ALDH1A2: variants seen among roughly 807,000 people sequenced by gnomAD.
The protein encoded by ALDH1A2 is retinal dehydrogenase 2.
In ALDH1A2, 27 loss-of-function variants were observed where a neutral mutation model predicts 60.3. The ratio of observed to expected loss-of-function variants is 0.45; its 90% CI spans 0.33 to 0.62. The LOEUF (loss-of-function observed/expected upper bound fraction) is 0.62. ALDH1A2 is among the 20% of genes least tolerant of loss of function. The pLI is 0.02. For synonymous variants in ALDH1A2, 289 were observed against 232.4 expected (o/e 1.24, Z -2.21); for missense variants, 581 against 643.8 (o/e 0.90, Z 1.06).
rs555261187 is a variant in ALDH1A2, at chr15:58,049,830, C to T, written c.117+15704G>A. Among the ~76,000 whole-genome samples, 159 of 152,130 alleles carry T rather than the reference C, an allele frequency of 1.0e-3. 1 individual carries two copies. Among genetic ancestry groups the T allele is most frequent in the African/African-American group, 3.8e-3 (158 of 41,524 alleles). On this transcript the variant is annotated intron_variant, in intron 1 of 12. Transcript: ENST00000249750. Reference sequence around the variant, plus strand: ...TCAAGAGAAATGGCTTTTATGTACCCCCCTGTCTTGAAAACTGAGAATGTA... The same window carrying T: ...TCAAGAGAAATGGCTTTTATGTACCTCCCTGTCTTGAAAACTGAGAATGTA...
intron 4 of ALDH1A2, among the ~76,000 whole-genome samples, chr15:58,005,476 G>A (rs1895419256): frequency 6.6e-6 from 1 of 151,966 alleles, no homozygotes; most frequent in African/African-American, 2.4e-5. Context: ...TGAAGAAATG[G>A]GTGAAGGAAT....
At chr15:57,958,317 G>T (rs891054000) in intron 12 of ALDH1A2, among the ~76,000 whole-genome samples, 5 of 152,210 alleles carry the variant, frequency 3.3e-5, no homozygotes, top group Admixed American at 3.3e-4. Context: ...GAGGTTCACA[G>T]AATTCTTTCC....
Position 57,961,256 on chromosome 15 carries a change from C to T in ALDH1A2, c.1290G>A (p.Thr430=), listed in dbSNP as rs267604270. 40 of 1,613,918 alleles carry T rather than the reference C, an allele frequency of 2.5e-5. No individual in the cohort carries two copies. In the East Asian group the frequency reaches 3.6e-4, roughly 14 times the overall value. ...TGGCTCTTTCGATAACTTCATCCAT[C>T]GTCTTAAATCTCAAAATTTCCTGAA... ...GPVQEILRFK[T]MDEVIERANN... Residue 430 remains threonine (T), a synonymous_variant, in exon 11 of 13, where the codon ACG becomes ACA. Transcript: ENST00000249750.
At chr15:58,000,867 GA>G (rs1224891930) in intron 4 of ALDH1A2, among the ~76,000 whole-genome samples, 1 of 151,804 alleles carries the variant, frequency 6.6e-6, no homozygotes, top group Non-Finnish European at 1.5e-5. Context: ...GCAAGATCAG[GA>G]GTGTAAAGGG....
chr15:58,063,200 T>C (rs1205827530), intron 1 of ALDH1A2, among the ~76,000 whole-genome samples: 1 of 152,214 alleles, frequency 6.6e-6, no homozygotes, highest in Non-Finnish European at 1.5e-5. Context: ...GAAAGTCATA[T>C]CCTTCACTAA....
chr15:57,964,141 C>T (rs1197677128), intron 8 of ALDH1A2, 72 bp from the exon 9 acceptor site: 2 of 1,542,118 alleles, frequency 1.3e-6, no homozygotes, highest in African/African-American at 2.7e-5. Flanking sequence ...CGCCTCCCTC[C>T]CCTCTCCAAA....
chr15:58,029,913 C>A (rs1156901422), intron 1 of ALDH1A2, among the ~76,000 whole-genome samples: 8 of 152,140 alleles, frequency 5.3e-5, no homozygotes, highest in Admixed American at 4.6e-4. Context: ...ACCAAAAAGT[C>A]CAGGACCAGA....
intron 12 of ALDH1A2, among the ~76,000 whole-genome samples, chr15:57,958,826 A>T (rs1405202137): frequency 6.6e-6 from 1 of 151,438 alleles, no homozygotes; most frequent in Non-Finnish European, 1.5e-5. Context: ...AGAGACAAAC[A>T]AACAAACAAA....
chr15:58,065,159 T>A (rs1165162381), intron 1 of ALDH1A2: 5 of 290,196 alleles, frequency 1.7e-5, no homozygotes, highest in Non-Finnish European at 3.4e-5. Context: ...CCAGGCTGCG[T>A]GGCCAAGCTG....
chr15:58,000,077 A>T (rs1378729087), intron 4 of ALDH1A2, among the ~76,000 whole-genome samples: 2 of 151,914 alleles, frequency 1.3e-5, no homozygotes, highest in Non-Finnish European at 2.9e-5. Context: ...GGAAGGCAGA[A>T]TATCAAGATA....
At chr15:57,989,204 G>C (rs959109955) in intron 7 of ALDH1A2, among the ~76,000 whole-genome samples, 2 of 152,100 alleles carry the variant, frequency 1.3e-5, no homozygotes, top group African/African-American at 2.4e-5. Flanking sequence ...TTAAATGCTA[G>C]AAGTTAATTT....
chr15:58,026,035 C>T (rs1427672770), intron 1 of ALDH1A2, among the ~76,000 whole-genome samples: 1 of 152,162 alleles, frequency 6.6e-6, no homozygotes, highest in Non-Finnish European at 1.5e-5. Flanking sequence ...AGGGGACATA[C>T]ATCCAAACCA....
chr15:57,989,281 A>AT (rs1894814261), intron 7 of ALDH1A2, among the ~76,000 whole-genome samples: 1 of 152,082 alleles, frequency 6.6e-6, no homozygotes, highest in Non-Finnish European at 1.5e-5. Context: ...AATTGAAGGG[A>AT]TTTTTATCAT....
intron 7 of ALDH1A2, among the ~76,000 whole-genome samples, chr15:57,967,794 C>G (rs1485864806): frequency 2.0e-5 from 3 of 152,304 alleles, no homozygotes; most frequent in Non-Finnish European, 2.9e-5. Context: ...GCCCTTCCCC[C>G]GCCCTTGCCA....
intron 1 of ALDH1A2, among the ~76,000 whole-genome samples, chr15:58,023,906 A>T (rs1896001229): frequency 6.6e-6 from 1 of 152,120 alleles, no homozygotes; most frequent in Non-Finnish European, 1.5e-5. Flanking sequence ...AGCCTGACCA[A>T]ATCATGGAGA....
intron 1 of ALDH1A2, among the ~76,000 whole-genome samples, chr15:58,023,613 C>T (rs1895992899): frequency 6.9e-6 from 1 of 145,014 alleles, no homozygotes; most frequent in Admixed American, 7.1e-5. Flanking sequence ...TCAGCAGAAA[C>T]CTTACAGGCC....
At chr15:57,955,395 A>C in intron 12 of ALDH1A2, 126 bp from the exon 13 acceptor site, 2 of 974,968 alleles carry the variant, frequency 2.1e-6, no homozygotes, top group South Asian at 1.3e-5. Flanking sequence ...GTTCATGTAA[A>C]AATTCCTCAC....
At chr15:57,964,190 G>T in intron 8 of ALDH1A2, 121 bp from the exon 9 acceptor site, 3 of 1,021,722 alleles carry the variant, frequency 2.9e-6, no homozygotes, top group Non-Finnish European at 2.9e-6. Context: ...ACATAACCAT[G>T]AATAGCCCTG....
intron 1 of ALDH1A2, among the ~76,000 whole-genome samples, chr15:58,031,684 A>G (rs1420774531): frequency 6.6e-6 from 1 of 152,158 alleles, no homozygotes; most frequent in Non-Finnish European, 1.5e-5. Flanking sequence ...ACCCCAACAA[A>G]AAGTGGGCAA....
Sources: allele counts gnomAD v4.1 joint callset (sites outside exome capture counted in the v4.1 genomes callset), GRCh38; gene constraint gnomAD v4.1.1; transcripts MANE v1.5; gene names NCBI Gene and HGNC (gene_info 2026-07-23, HGNC 2026-07-21).